The following DIS3 variants were observed in gnomAD, a reference collection of about 807,000 sequenced individuals.
The protein encoded by DIS3 is DIS3 exosome endoribonuclease and 3'-5' exoribonuclease, also known as exosome complex exonuclease RRP44.
DIS3 carries 103 observed loss-of-function variants against 113.0 expected under a neutral mutation model. The ratio of observed to expected loss-of-function variants is 0.91; its 90% CI spans 0.78 to 1.07. The LOEUF is 1.07. Among genes scored for constraint, DIS3 ranks in the 50% least tolerant of loss-of-function variants. DIS3 has a pLI of 0.00. For missense variants in DIS3, 1,121 were observed against 1,167.1 expected (o/e 0.96, Z 0.58); for synonymous variants, 402 against 394.3 (o/e 1.02, Z -0.23).
At chr13:72,768,038 A>C (rs2033795328) in intron 14 of DIS3, among the ~76,000 whole-genome samples, 1 of 152,230 alleles carries the variant, frequency 6.6e-6, no homozygotes, top group African/African-American at 2.4e-5. Flanking sequence ...ATCTGTTACT[A>C]GTCAGATCTT....
intron 2 of DIS3, 53 bp downstream of exon 2, chr13:72,780,793 C>G (rs888565428): frequency 5.9e-6 from 9 of 1,520,210 alleles, no homozygotes; most frequent in Non-Finnish European, 7.1e-6. Flanking sequence ...AACCCTCTCC[C>G]GAATTTTGCT....
Position 72,759,580 on chromosome 13 carries a change from G to C in DIS3, c.*215C>G. On this transcript the variant is annotated 3_prime_UTR_variant, in exon 21 of 21. Transcript: ENST00000377767. ...GTATTTAAGTGATGGATATTCAATT[G>C]AATTATTCTGCATAAATAATTCTGT... The C allele has an allele frequency of 2.1e-6, 1 of 467,446 alleles. No homozygotes were observed. Among genetic ancestry groups the C allele is most frequent in the African/African-American group, 2.0e-5 (1 of 50,720 alleles). 29.0% of individuals were successfully genotyped at this position (467,446 alleles called of 1,614,324 possible).
At chr13:72,779,554 T>C (rs573558876) in intron 2 of DIS3, among the ~76,000 whole-genome samples, 1 of 152,328 alleles carries the variant, frequency 6.6e-6, no homozygotes, top group South Asian at 2.1e-4. Context: ...ATAAGAAGCC[T>C]ACAAGGGCTT....
intron 2 of DIS3, among the ~76,000 whole-genome samples, chr13:72,779,774 G>A (rs925364700): frequency 3.3e-5 from 5 of 151,830 alleles, no homozygotes; most frequent in African/African-American, 1.2e-4. Context: ...TGGTGGTGGG[G>A]GGGGTAAGGG....
At position 72,781,867 on chromosome 13, in the gene DIS3, C is replaced by T. The variant is rs747267123; in HGVS notation, c.-35G>A. 1.2e-5 allele frequency: 18 copies of T among 1,499,194 alleles called. No individual in the cohort carries two copies. Among genetic ancestry groups the T allele is most frequent in the African/African-American group, 2.8e-5 (2 of 70,938 alleles). 92.9% of individuals were successfully genotyped at this position (1,499,194 alleles called of 1,614,324 possible). A position where few individuals can be genotyped will look rare whatever the true frequency, so the allele number is the denominator to read the frequency against. On this transcript the variant is annotated 5_prime_UTR_variant, in exon 1 of 21. Coordinates refer to ENST00000377767, the MANE Select transcript of DIS3 (RefSeq NM_014953.5). ...CCGCGCAGAATCCTAACCCCAGCAG[C>T]GCTCTTCCAGCAAAAGGCGTCAATC...
At chr13:72,779,431 G>A (rs1593854099) in intron 2 of DIS3, among the ~76,000 whole-genome samples, 1 of 152,032 alleles carries the variant, frequency 6.6e-6, no homozygotes, top group East Asian at 1.9e-4. Context: ...AATGTTTTAA[G>A]CTCATCAGTG....
Position 72,756,180 on chromosome 13 carries a change from A to ATTCATATGTACCCTTAGGAAAT in DIS3, c.*3614_*3615insATTTCCTAAGGGTACATATGAA. 4 of 366,076 alleles carry ATTCATATGTACCCTTAGGAAAT rather than the reference A, an allele frequency of 1.1e-5. No homozygotes were observed. The highest frequency in any genetic ancestry group is 1.5e-5 in the Non-Finnish European group (3 of 206,710). The allele number at this position is 366,076 out of a possible 1,614,324, so 22.7% of individuals were successfully genotyped here. On this transcript the variant is annotated 3_prime_UTR_variant, in exon 21 of 21. Coordinates refer to ENST00000377767, the MANE Select transcript of DIS3 (RefSeq NM_014953.5). Reference sequence around the variant, plus strand: ...AAACTGTCTCATTCAAAAGGGAATAAAGACCTGTGTTATCAATGTGTCATT... The same window carrying ATTCATATGTACCCTTAGGAAAT: ...AAACTGTCTCATTCAAAAGGGAATAATTCATATGTACCCTTAGGAAATAGACCTGTGTTATCAATGTGTCATT...
intron 14 of DIS3, among the ~76,000 whole-genome samples, chr13:72,767,763 C>T (rs760819781): frequency 1.9e-4 from 29 of 152,080 alleles, no homozygotes; most frequent in South Asian, 2.1e-4. Flanking sequence ...TTTAAATAGG[C>T]GCATCTTATG....
intron 2 of DIS3, 106 bp from the exon 3 acceptor site, chr13:72,778,486 G>T: frequency 2.5e-6 from 2 of 814,740 alleles, no homozygotes; most frequent in Non-Finnish European, 3.6e-6. Context: ...AAAGTCAATG[G>T]TATATCTTTT....
intron 2 of DIS3, among the ~76,000 whole-genome samples, chr13:72,778,589 A>G (rs1344671447): frequency 2.0e-5 from 3 of 152,206 alleles, no homozygotes; most frequent in Non-Finnish European, 4.4e-5. Context: ...AAAGAAGAAA[A>G]TTATGTTATT....
chr13:72,775,444 C>G, intron 5 of DIS3, 69 bp from the exon 6 acceptor site: 1 of 1,461,054 alleles, frequency 6.8e-7, no homozygotes, highest in Non-Finnish European at 9.1e-7. Context: ...GGAAGATCAT[C>G]TAACAGATAT....
Position 72,766,190 on chromosome 13 carries a change from C to A in DIS3, c.1884-132G>T, listed in dbSNP as rs948456947. On this transcript the variant is annotated intron_variant, in intron 14 of 20. Coordinates refer to ENST00000377767, the MANE Select transcript of DIS3 (RefSeq NM_014953.5). ...AGTTGCTCTTCTGAAGGCTTTATGA[C>A]CATCTGCTGTTTCATGTTCTATTTT... The A allele has an allele frequency of 4.8e-6, 3 of 622,526 alleles. No homozygotes were observed. In the South Asian group the frequency reaches 8.7e-5, roughly 18 times the overall value. The allele number at this position is 622,526 out of a possible 1,614,324, so 38.6% of individuals were successfully genotyped here. A position where few individuals can be genotyped will look rare whatever the true frequency, so the allele number is the denominator to read the frequency against.
intron 15 of DIS3, among the ~76,000 whole-genome samples, chr13:72,765,059 T>C (rs2033713729): frequency 2.0e-5 from 3 of 152,164 alleles, no homozygotes; most frequent in Admixed American, 1.3e-4. Context: ...GAAAAGTGCA[T>C]ATGCATGTTG....
intron 2 of DIS3, 41 bp downstream of exon 2, chr13:72,780,805 A>G (rs2034171031): frequency 6.4e-7 from 1 of 1,556,780 alleles, no homozygotes; most frequent in African/African-American, 1.4e-5. Context: ...AATTTTGCTA[A>G]TCCTGTGGTT....
chr13:72,763,198 G>A lies in DIS3; in HGVS notation c.2127+253C>T, dbSNP rs1465543069. Among the ~76,000 whole-genome samples the A allele has an allele frequency of 3.9e-5, 6 of 152,248 alleles. No individual in the cohort carries two copies. The East Asian group carries it at 9.7e-4, about 25-fold the overall frequency. ...CGCCTGCAGTCCCAGCTCCTCAGGA[G>A]GCTGAGGCGGGAGGATGGCTTGAGA... is the stretch of plus-strand genomic sequence containing the variant. On this transcript the variant is annotated intron_variant, in intron 16 of 20. Transcript: ENST00000377767.
intron 11 of DIS3, 121 bp downstream of exon 11, chr13:72,771,674 T>G: frequency 1.1e-6 from 1 of 875,182 alleles, no homozygotes; most frequent in Non-Finnish European, 1.7e-6. Flanking sequence ...TAACAAAAAT[T>G]TGCAATATAT....
rs2033540326 is a variant in DIS3 at position 72,758,246 on chromosome 13, C to T, written c.*1549G>A. ...TGTAGGTTAGGAGCAATAGGCTATC[C>T]CATATAGGATACCATAGGGTATACC... On this transcript the variant is annotated 3_prime_UTR_variant, in exon 21 of 21. Coordinates refer to ENST00000377767, the MANE Select transcript of DIS3 (RefSeq NM_014953.5). The T allele has an allele frequency of 5.5e-6, 1 of 181,944 alleles. No homozygotes were observed. Among genetic ancestry groups the T allele is most frequent in the Admixed American group, 6.3e-5 (1 of 15,954 alleles). The allele number at this position is 181,944 out of a possible 1,614,324, so 11.3% of individuals were successfully genotyped here. A position where few individuals can be genotyped will look rare whatever the true frequency, so the allele number is the denominator to read the frequency against.
chr13:72,772,125 A>G, intron 10 of DIS3, 34 bp downstream of exon 10: 4 of 1,531,230 alleles, frequency 2.6e-6, no homozygotes, highest in Non-Finnish European at 1.8e-6. Flanking sequence ...GAACAGAACT[A>G]TATTTAGGTA....
chr13:72,759,792 T>C lies in DIS3; in HGVS notation c.*3A>G, dbSNP rs750442234. ...AGTCTTTGAAGATTTTTGTTGAATATAGCTATTTTCCAAGCTTCATCTTCT... is the reference window on the plus strand; with the variant it reads ...AGTCTTTGAAGATTTTTGTTGAATACAGCTATTTTCCAAGCTTCATCTTCT... On this transcript the variant is annotated 3_prime_UTR_variant, in exon 21 of 21. Transcript: ENST00000377767. 5.3e-5 allele frequency: 86 copies of C among 1,610,708 alleles called. No individual in the cohort carries two copies. The South Asian group carries it at 7.6e-4, about 14-fold the overall frequency.
Sources: allele counts gnomAD v4.1 joint callset (sites outside exome capture counted in the v4.1 genomes callset), GRCh38; gene constraint gnomAD v4.1.1; transcripts MANE v1.5; gene names NCBI Gene and HGNC (gene_info 2026-07-23, HGNC 2026-07-21).